Variants in RNGTT observed in about 807,000 individuals in gnomAD.
The protein encoded by RNGTT is RNA guanylyltransferase and 5'-phosphatase.
A neutral mutation model predicts 79.3 loss-of-function variants in RNGTT; 33 were observed. The observed-to-expected ratio is 0.42, with a 90% CI of 0.32 to 0.56. The LOEUF is 0.56. Among genes scored for constraint, RNGTT ranks in the 20% least tolerant of loss-of-function variants. RNGTT has a pLI of 0.17. For missense variants in RNGTT, 497 were observed against 739.1 expected (o/e 0.67, Z 3.80); for synonymous variants, 222 against 235.9 (o/e 0.94, Z 0.54).
chr6:88,621,859 T>C (rs538350138), intron 14 of RNGTT, among the ~76,000 whole-genome samples: 2 of 152,084 alleles, frequency 1.3e-5, no homozygotes, highest in African/African-American at 2.4e-5. Flanking sequence ...CCAGTTTCAG[T>C]TGGCATGATA....
intron 13 of RNGTT, among the ~76,000 whole-genome samples, chr6:88,723,139 T>C (rs551260298): frequency 3.3e-5 from 5 of 152,328 alleles, no homozygotes; most frequent in African/African-American, 9.6e-5. Context: ...TTGTTATAGA[T>C]TTCAGTTCCA....
intron 2 of RNGTT, among the ~76,000 whole-genome samples, chr6:88,939,549 ATTCTC>A (rs1278595154): frequency 1.3e-5 from 2 of 151,840 alleles, no homozygotes; most frequent in Non-Finnish European, 2.9e-5. Context: ...GCTTTTCAGT[ATTCTC>A]TTCTTTCTTA....
At chr6:88,886,549 T>C (rs1782869142) in intron 8 of RNGTT, among the ~76,000 whole-genome samples, 1 of 152,220 alleles carries the variant, frequency 6.6e-6, no homozygotes, top group Non-Finnish European at 1.5e-5. Flanking sequence ...TGTACTATTT[T>C]TGGAAGACTT....
At chr6:88,920,483 T>C (rs1261213594) in intron 4 of RNGTT, among the ~76,000 whole-genome samples, 1 of 152,194 alleles carries the variant, frequency 6.6e-6, no homozygotes, top group Non-Finnish European at 1.5e-5. Context: ...TAAGGATGTG[T>C]GTATATATAT....
At chr6:88,725,387 G>A (rs577266185) in intron 13 of RNGTT, among the ~76,000 whole-genome samples, 2 of 152,324 alleles carry the variant, frequency 1.3e-5, no homozygotes, top group South Asian at 4.1e-4. Context: ...CTTGGTGGTT[G>A]GGACTGAGGA....
At chr6:88,885,077 C>G (rs1475135709) in intron 8 of RNGTT, among the ~76,000 whole-genome samples, 1 of 152,034 alleles carries the variant, frequency 6.6e-6, no homozygotes, top group Non-Finnish European at 1.5e-5. Flanking sequence ...TACATACAGA[C>G]AGATACTGAA....
intron 13 of RNGTT, among the ~76,000 whole-genome samples, chr6:88,721,892 G>A (rs1776721081): frequency 6.6e-6 from 1 of 151,908 alleles, no homozygotes; most frequent in Non-Finnish European, 1.5e-5. Context: ...CTAAAGTGGA[G>A]TTTTCTATCA....
chr6:88,683,427 C>T (rs1268264297), intron 13 of RNGTT, among the ~76,000 whole-genome samples: 1 of 151,954 alleles, frequency 6.6e-6, no homozygotes, highest in Admixed American at 6.6e-5. Flanking sequence ...TAGATGTCTC[C>T]CATAAACAAT....
intron 14 of RNGTT, among the ~76,000 whole-genome samples, chr6:88,646,208 A>G (rs1291445416): frequency 6.6e-6 from 1 of 152,274 alleles, no homozygotes; most frequent in Non-Finnish European, 1.5e-5. Flanking sequence ...CACTTCTCAA[A>G]AGAAGACATT....
Position 88,904,762 on chromosome 6 carries a change from C to T in RNGTT, c.637G>A (p.Gly213Arg), listed in dbSNP as rs747699318. 3.0e-5 allele frequency: 48 copies of T among 1,613,912 alleles called. No homozygotes were observed. In the South Asian group the frequency reaches 3.4e-4, roughly 11 times the overall value. ...CTTTTGCCAAAAGAAGCACTTGACC[C>T]GGGTTCTGATTCCTTCTTTCCATCC... ...DEDGKKESEP[G>R]SSASFGKRRK... Residue 213 changes from glycine to arginine, a missense_variant, in exon 6 of 16, where the codon GGG becomes AGG. Physicochemically the swap from Gly to Arg is moderately radical, Grantham distance 125. Around this residue, in one of 3 missense-constraint regions of RNGTT, gnomAD observed 440 missense variants for 671.5 expected, o/e 0.66. Coordinates refer to ENST00000369485, the MANE Select transcript of RNGTT (RefSeq NM_003800.5).
intron 8 of RNGTT, among the ~76,000 whole-genome samples, chr6:88,865,476 G>C (rs377487846): frequency 6.6e-6 from 1 of 152,060 alleles, no homozygotes; most frequent in East Asian, 1.9e-4. Context: ...TTGAAACATA[G>C]AGAAATGAAT....
chr6:88,643,265 T>C (rs1434337724), intron 14 of RNGTT, among the ~76,000 whole-genome samples: 1 of 152,096 alleles, frequency 6.6e-6, no homozygotes, highest in African/African-American at 2.4e-5. Context: ...TAACAAAGTG[T>C]TGAATGTCTC....
chr6:88,648,012 C>T (rs890617310), intron 14 of RNGTT, among the ~76,000 whole-genome samples: 2 of 152,170 alleles, frequency 1.3e-5, no homozygotes, highest in Non-Finnish European at 2.9e-5. Context: ...TTTGCATTCA[C>T]TTCCTGTCAC....
rs572514343 is a variant in RNGTT, at chr6:88,931,628, T to C, written c.175-2361A>G. Among the ~76,000 whole-genome samples the C allele has an allele frequency of 1.7e-4, 26 of 152,220 alleles. 3 individuals are homozygous for C. In the South Asian group the frequency reaches 5.4e-3, roughly 32 times the overall value. On this transcript the variant is annotated intron_variant, in intron 2 of 15. Coordinates refer to ENST00000369485, the MANE Select transcript of RNGTT (RefSeq NM_003800.5). The stretch of plus-strand genomic sequence containing the variant: ...ACATAGGGTAAAAAAGTATGTACAG[T>C]CAAAATTCTCTCATAAATTCCTTAA...
intron 2 of RNGTT, among the ~76,000 whole-genome samples, chr6:88,932,227 C>A (rs765295321): frequency 1.8e-4 from 27 of 152,270 alleles, no homozygotes; most frequent in East Asian, 5.8e-4. Flanking sequence ...CTCCTGCACA[C>A]CCCCAGGCTT....
chr6:88,758,146 C>T (rs917510150), intron 13 of RNGTT, among the ~76,000 whole-genome samples: 2 of 152,068 alleles, frequency 1.3e-5, no homozygotes, highest in African/African-American at 4.8e-5. Context: ...TTTAAAAGGT[C>T]AATGCTCCCT....
At chr6:88,918,859 A>T (rs1215818114) in intron 4 of RNGTT, among the ~76,000 whole-genome samples, 2 of 152,200 alleles carry the variant, frequency 1.3e-5, no homozygotes, top group African/African-American at 4.8e-5. Context: ...TTCTCACCTA[A>T]GCTACTGTTT....
intron 14 of RNGTT, among the ~76,000 whole-genome samples, chr6:88,628,149 AT>A (rs1772706421): frequency 6.6e-6 from 1 of 152,136 alleles, no homozygotes; most frequent in African/African-American, 2.4e-5. Context: ...AAAAACATTC[AT>A]GATGGATTTA....
chr6:88,885,949 A>G (rs1017246739), intron 8 of RNGTT, among the ~76,000 whole-genome samples: 6 of 152,226 alleles, frequency 3.9e-5, no homozygotes, highest in Admixed American at 2.0e-4. Context: ...TCTGAGAGAC[A>G]AGCTACAAGA....
Sources: allele counts gnomAD v4.1 joint callset (sites outside exome capture counted in the v4.1 genomes callset), GRCh38; gene constraint gnomAD v4.1.1; regional missense constraint gnomAD v4.1.1; transcripts MANE v1.5; gene names NCBI Gene and HGNC (gene_info 2026-07-23, HGNC 2026-07-21).